The following TATDN2 variants were observed in gnomAD, a reference collection of about 807,000 sequenced individuals.
TATDN2 encodes the protein TatD DNase domain containing 2.
TATDN2 carries 44 observed loss-of-function variants against 60.3 expected under a neutral mutation model. That is an observed-to-expected ratio of 0.73 (90% CI 0.57 to 0.94). The LOEUF is 0.94. TATDN2 is among the 40% of genes least tolerant of loss of function. The pLI, the probability that TATDN2 is intolerant of heterozygous loss-of-function variation, is 0.00. For missense variants in TATDN2, 997 were observed against 948.0 expected, an observed-to-expected ratio of 1.05 and a Z score of -0.68; for synonymous variants, 399 against 355.8, an observed-to-expected ratio of 1.12 and a Z score of -1.37.
intron 3 of TATDN2, among the ~76,000 whole-genome samples, chr3:10,268,390 T>A (rs1698510306): frequency 6.6e-6 from 1 of 152,254 alleles, no homozygotes; most frequent in Non-Finnish European, 1.5e-5. Context: ...TCATTGTGAA[T>A]GTTTGTTTTA....
At chr3:10,272,331 C>T (rs980980097) in intron 4 of TATDN2, among the ~76,000 whole-genome samples, 2 of 151,608 alleles carry the variant, frequency 1.3e-5, no homozygotes, top group East Asian at 1.9e-4. Flanking sequence ...TGGAGGGCAG[C>T]GGTACGATCT....
In TATDN2 at chr3:10,253,063, T is replaced by G. The variant is rs566660211; in HGVS notation, c.414+3449T>G. 1.7e-4 allele frequency among the ~76,000 whole-genome samples: 26 copies of G among 152,168 alleles called. 1 individual carries two copies. In the South Asian group the frequency reaches 5.2e-3, roughly 30 times the overall value. On this transcript the variant is annotated intron_variant, in intron 2 of 7. Coordinates refer to ENST00000448281, the MANE Select transcript of TATDN2 (RefSeq NM_014760.4). ...TAGTAGAGATGGGGTTTCACCATGT[T>G]AGCCAGGATGGTCTCGATCTCTTGA... is the stretch of plus-strand genomic sequence containing the variant.
chr3:10,268,983 C>G lies in TATDN2; in HGVS notation c.949-1148C>G, dbSNP rs1017407436. On this transcript the variant is annotated intron_variant, in intron 3 of 7. Coordinates refer to ENST00000448281, the MANE Select transcript of TATDN2 (RefSeq NM_014760.4). ...GGTCAGGAATTTGGAAAGGCCTAGA[C>G]TGGGGCAGGTGTTTCTTGGGGAGCC... Among the ~76,000 whole-genome samples the G allele has an allele frequency of 1.5e-4, 23 of 152,310 alleles. 1 individual carries two copies. In the South Asian group the frequency reaches 4.3e-3, roughly 29 times the overall value.
At chr3:10,274,540 T>A (rs1698607367) in intron 4 of TATDN2, among the ~76,000 whole-genome samples, 1 of 152,218 alleles carries the variant, frequency 6.6e-6, no homozygotes, top group Non-Finnish European at 1.5e-5. Flanking sequence ...GAGGGATAAT[T>A]TTTTAGAGGC....
At chr3:10,251,181 A>G (rs540251288) in intron 2 of TATDN2, among the ~76,000 whole-genome samples, 2 of 152,182 alleles carry the variant, frequency 1.3e-5, no homozygotes, top group African/African-American at 4.8e-5. Context: ...TCTGGGAGTG[A>G]TGAGCTTCTA....
chr3:10,270,334 C>T lies in TATDN2; in HGVS notation c.1152C>T (p.Ser384=), dbSNP rs371175212. 483 of 1,614,082 alleles carry T rather than the reference C, an allele frequency of 3.0e-4. No individual in the cohort carries two copies. Among genetic ancestry groups the T allele is most frequent in the Non-Finnish European group, 4.0e-4 (472 of 1,180,050 alleles). Residue 384 remains serine, a synonymous_variant, in exon 4 of 8, where the codon AGC becomes AGT. Transcript: ENST00000448281. ...GTAGTCCTTGGTGTGACTACGCCAG[C>T]TATTGGACCAGCAGCCCCAAGCCTT... is the stretch of plus-strand genomic sequence containing the variant. ...LYSSPWCDYA[S]YWTSSPKPSS...
chr3:10,266,084 A>G (rs577773575), intron 3 of TATDN2, among the ~76,000 whole-genome samples: 3 of 152,210 alleles, frequency 2.0e-5, no homozygotes, highest in South Asian at 2.1e-4. Context: ...ATAGCATCCA[A>G]TGCTTATTTA....
intron 4 of TATDN2, among the ~76,000 whole-genome samples, chr3:10,274,650 G>T (rs1274622475): frequency 1.3e-5 from 2 of 152,044 alleles, no homozygotes; most frequent in Non-Finnish European, 2.9e-5. Flanking sequence ...CAAATAGGAG[G>T]GGCTCCAGCC....
rs566203597 is a variant in TATDN2, at chr3:10,248,487, C to T, written c.-587C>T. The stretch of plus-strand genomic sequence containing the variant: ...GCTCTCCGGCCTGCGGGCCGCAGGG[C>T]TCGTTCCGGAGGGCGGGCGCCACGG... On this transcript the variant is annotated 5_prime_UTR_variant, in exon 1 of 8. Transcript: ENST00000448281. 1 of 152,166 alleles carries T rather than the reference C, an allele frequency of 6.6e-6. No homozygotes were observed. Among genetic ancestry groups the T allele is most frequent in the South Asian group, 2.1e-4 (1 of 4,834 alleles). 9.4% of individuals were successfully genotyped at this position (152,166 alleles called of 1,614,324 possible).
Position 10,273,976 on chromosome 3 carries a change from T to G in TATDN2, c.1834-2385T>G, listed in dbSNP as rs1461521117. The stretch of plus-strand genomic sequence containing the variant: ...GTGTTAAAGAGGAATTAATTAATTA[T>G]TAAAGTAATAAATATGCAAGAGATG... On this transcript the variant is annotated intron_variant, in intron 4 of 7. Transcript: ENST00000448281. Among the ~76,000 whole-genome samples, 3 of 152,176 alleles carry G rather than the reference T, an allele frequency of 2.0e-5. No individual in the cohort carries two copies. The South Asian group carries it at 6.2e-4, about 32-fold the overall frequency.
rs866505923 is a variant in TATDN2 at position 10,251,855 on chromosome 3, A to T, written c.414+2241A>T. Among the ~76,000 whole-genome samples, 9 of 148,932 alleles carry T rather than the reference A, an allele frequency of 6.0e-5. No homozygotes were observed. In the East Asian group the frequency reaches 6.1e-4, roughly 10 times the overall value. ...TGCCACCACACCCTGCAGATTAAAAATTTTTTTTTTGGGCTGGGCGTGGTG... is the reference window on the plus strand; with the variant it reads ...TGCCACCACACCCTGCAGATTAAAATTTTTTTTTTTGGGCTGGGCGTGGTG... On this transcript the variant is annotated intron_variant, in intron 2 of 7. Transcript: ENST00000448281.
Position 10,255,302 on chromosome 3 carries a change from C to G in TATDN2, c.415-4835C>G, listed in dbSNP as rs554908143. Among the ~76,000 whole-genome samples, 8 of 152,158 alleles carry G rather than the reference C, an allele frequency of 5.3e-5. 1 individual carries two copies. The highest frequency in any genetic ancestry group is 1.7e-4 in the African/African-American group (7 of 41,508). ...GTTCTGAGATTATAGGCAGGAGCCA[C>G]CATGCCCAGCCAACAGTGTTTCTCA... On this transcript the variant is annotated intron_variant, in intron 2 of 7. Coordinates refer to ENST00000448281, the MANE Select transcript of TATDN2 (RefSeq NM_014760.4).
intron 3 of TATDN2, among the ~76,000 whole-genome samples, chr3:10,263,560 T>G (rs1471073581): frequency 6.6e-6 from 1 of 152,208 alleles, no homozygotes; most frequent in African/African-American, 2.4e-5. Flanking sequence ...CCCAGCTGTT[T>G]ATTTAGTTTT....
At chr3:10,256,702 A>G (rs1698313345) in intron 2 of TATDN2, among the ~76,000 whole-genome samples, 1 of 152,054 alleles carries the variant, frequency 6.6e-6, no homozygotes, top group Non-Finnish European at 1.5e-5. Flanking sequence ...GATACTCCTC[A>G]GTTTGTTGCA....
In TATDN2 at chr3:10,249,524, G is replaced by A. The variant is rs1576000965; in HGVS notation, c.324G>A (p.Gly108=). 1 of 1,605,730 alleles carries A rather than the reference G, an allele frequency of 6.2e-7. No individual in the cohort carries two copies. Among genetic ancestry groups the A allele is most frequent in the African/African-American group, 1.3e-5 (1 of 74,756 alleles). The change falls in exon 2 of 8, where the codon GGG becomes GGA. Residue 108 remains glycine (G), a synonymous_variant. Transcript: ENST00000448281. Reference sequence around the variant, plus strand: ...GCTGCCTGATTCGGAACACTCGGGGGTTCCTGTCTTCAGGGGGATCCCCTC... The same window carrying A: ...GCTGCCTGATTCGGAACACTCGGGGATTCCTGTCTTCAGGGGGATCCCCTC... ...SKGCLIRNTR[G]FLSSGGSPLR...
At chr3:10,266,929 G>GTATTTTTTT (rs1559462593) in intron 3 of TATDN2, among the ~76,000 whole-genome samples, 1 of 100,376 alleles carries the variant, frequency 1.0e-5, no homozygotes, top group East Asian at 4.3e-4. Context: ...AACTAAGGCA[G>GTATTTTTTT]TCTTTTTTTT....
At chr3:10,267,070 C>T (rs1698488033) in intron 3 of TATDN2, among the ~76,000 whole-genome samples, 1 of 151,854 alleles carries the variant, frequency 6.6e-6, no homozygotes, top group Non-Finnish European at 1.5e-5. Flanking sequence ...CAGGCGTGCA[C>T]AACCGCATTT....
chr3:10,277,078 G>A (rs1698650025), intron 5 of TATDN2, among the ~76,000 whole-genome samples: 1 of 152,028 alleles, frequency 6.6e-6, no homozygotes, highest in Non-Finnish European at 1.5e-5. Context: ...TGGAGTTTCA[G>A]TTCTCAGCAG....
Position 10,265,497 on chromosome 3 carries a change from C to T in TATDN2, c.949-4634C>T, listed in dbSNP as rs373979783. On this transcript the variant is annotated intron_variant, in intron 3 of 7. Transcript: ENST00000448281. ...GAGATCGAGACCATCCTGGCTAACA[C>T]GGTGAAACCCCGTCTCTACTAAAAA... Among the ~76,000 whole-genome samples the T allele has an allele frequency of 4.7e-3, 713 of 151,182 alleles. 6 individuals carry two copies. The highest frequency in any genetic ancestry group is 0.015 in the African/African-American group (610 of 41,408).
Sources: gnomAD v4.1 joint callset for allele counts (sites outside exome capture counted in the v4.1 genomes callset) on GRCh38, gnomAD v4.1.1 for gene constraint, MANE v1.5 for transcripts, NCBI Gene and HGNC (gene_info 2026-07-23, HGNC 2026-07-21) for gene names.